Variants in KCNK18 observed in about 807,000 individuals in gnomAD.
KCNK18 encodes potassium channel subfamily K member 18.
A neutral mutation model predicts 11.8 loss-of-function variants in KCNK18; 8 were observed. That is an observed-to-expected ratio of 0.68 (90% confidence interval 0.40 to 1.22). KCNK18 has a LOEUF of 1.22. Ranked by LOEUF, KCNK18 falls within the 50% of genes most tolerant of loss-of-function variation. The probability of loss-of-function intolerance (pLI) is 0.01; values close to 1 mark genes in which losing one functional copy is unlikely to be tolerated. For missense variants in KCNK18, 442 were observed against 465.4 expected (o/e 0.95, Z 0.46); for synonymous variants, 208 against 185.8 (o/e 1.12, Z -0.97).
chr10:117,206,537 G>A (rs549899334), intron 2 of KCNK18, among the ~76,000 whole-genome samples: 1 of 152,004 alleles, frequency 6.6e-6, no homozygotes, highest in Non-Finnish European at 1.5e-5. Context: ...CTATATTTGG[G>A]GGCTGTCATT....
At chr10:117,198,127 A>G (rs1028376985) in intron 1 of KCNK18, among the ~76,000 whole-genome samples, 4 of 152,088 alleles carry the variant, frequency 2.6e-5, no homozygotes, top group African/African-American at 9.7e-5. Context: ...TGTCTGCCTG[A>G]CCCAGGATTC....
At chr10:117,207,237 C>T (rs1264103980) in intron 2 of KCNK18, among the ~76,000 whole-genome samples, 1 of 152,146 alleles carries the variant, frequency 6.6e-6, no homozygotes, top group Non-Finnish European at 1.5e-5. Context: ...CCACGTTGGC[C>T]AGGCTGGTCT....
At chr10:117,198,963 C>A (rs140040689) in intron 1 of KCNK18, among the ~76,000 whole-genome samples, 1 of 152,312 alleles carries the variant, frequency 6.6e-6, no homozygotes, top group East Asian at 1.9e-4. Context: ...GTACACATCC[C>A]CAGGCTCTTC....
intron 2 of KCNK18, among the ~76,000 whole-genome samples, chr10:117,207,996 G>T (rs3026039): frequency 0.059 from 8,929 of 152,246 alleles, 438 homozygotes; most frequent in Admixed American, 0.16. Context: ...AGGTCTGTCT[G>T]CTCCTGCCCC....
In KCNK18 at chr10:117,201,263, T is replaced by C. The variant is rs140325655; in HGVS notation, c.328T>C (p.Cys110Arg). The C allele has an allele frequency of 8.4e-3, 13,542 of 1,613,912 alleles. 89 individuals are homozygous for C. Among genetic ancestry groups the C allele is most frequent in the Non-Finnish European group, 0.01 (12,013 of 1,180,010 alleles). ...HWSFLSSLFF[C>R]CTVFSTVGYG... ...GTCCTTCCTGAGCTCGCTCTTTTTC[T>C]GCTGCACGGTGTTCAGCACCGTGGG... The change falls in exon 2 of 3, where the codon TGC becomes CGC. Residue 110 changes from cysteine to arginine, a missense_variant. By Grantham distance (180) the Cys-to-Arg change is radical. Transcript: ENST00000334549.
chr10:117,197,733 G>A (rs1357564244), intron 1 of KCNK18, 22 bp downstream of exon 1: 1 of 1,607,072 alleles, frequency 6.2e-7, no homozygotes, highest in Admixed American at 1.7e-5. Flanking sequence ...ACCTGGACAG[G>A]GTGGGCCTTT....
chr10:117,209,814 A>G lies in KCNK18; in HGVS notation c.670A>G (p.Ser224Gly). 6.2e-7 allele frequency: 1 copy of G among 1,614,204 alleles called. No homozygotes were observed. Among genetic ancestry groups the G allele is most frequent in the South Asian group, 1.1e-5 (1 of 91,084 alleles). The change falls in exon 3 of 3, where the codon AGC becomes GGC. Residue 224 changes from serine to glycine, a missense_variant. Transcript: ENST00000334549. Reference sequence around the variant, plus strand: ...CACATGTCCTTCACGCCCAAGCTGCAGCATGGAGCTGTTTGAGAGATCTCA... The same window carrying G: ...CACATGTCCTTCACGCCCAAGCTGCGGCATGGAGCTGTTTGAGAGATCTCA... ...LGTCPSRPSC[S>G]MELFERSHAL...
intron 2 of KCNK18, among the ~76,000 whole-genome samples, chr10:117,205,120 TA>T (rs1266388132): frequency 1.3e-5 from 2 of 152,300 alleles, no homozygotes; most frequent in African/African-American, 4.8e-5. Flanking sequence ...CACCTGGCCT[TA>T]ATGCTAAGCA....
At chr10:117,204,454 G>T (rs1445286349) in intron 2 of KCNK18, among the ~76,000 whole-genome samples, 1 of 152,014 alleles carries the variant, frequency 6.6e-6, no homozygotes, top group Non-Finnish European at 1.5e-5. Context: ...TTTCCCCACT[G>T]TCCCTACCCA....
chr10:117,204,357 T>C (rs570760937), intron 2 of KCNK18, among the ~76,000 whole-genome samples: 4 of 151,816 alleles, frequency 2.6e-5, no homozygotes, highest in Admixed American at 6.5e-5. Flanking sequence ...GCTTCTTGCA[T>C]GGGATAATTC....
intron 2 of KCNK18, among the ~76,000 whole-genome samples, chr10:117,209,159 C>T (rs935800087): frequency 1.3e-5 from 2 of 152,186 alleles, no homozygotes; most frequent in African/African-American, 4.8e-5. Context: ...GTCAGCTGAG[C>T]CCTTCCTTTG....
chr10:117,203,165 C>A (rs1855035298), intron 2 of KCNK18, among the ~76,000 whole-genome samples: 1 of 152,066 alleles, frequency 6.6e-6, no homozygotes. Context: ...GCGTGAGACA[C>A]CGCGCCTGGC....
At chr10:117,197,851 T>A in intron 1 of KCNK18, 140 bp downstream of exon 1, 1 of 722,120 alleles carries the variant, frequency 1.4e-6, no homozygotes, top group Non-Finnish European at 2.4e-6. Flanking sequence ...TTTAAGCGAG[T>A]AACTTCTTTC....
At chr10:117,203,593 G>T (rs1456874709) in intron 2 of KCNK18, among the ~76,000 whole-genome samples, 1 of 152,240 alleles carries the variant, frequency 6.6e-6, no homozygotes, top group East Asian at 1.9e-4. Flanking sequence ...AGACTGGAGT[G>T]CAATGGTGCC....
intron 2 of KCNK18, among the ~76,000 whole-genome samples, chr10:117,207,215 G>C (rs1248032496): frequency 6.6e-6 from 1 of 152,114 alleles, no homozygotes; most frequent in East Asian, 1.9e-4. Context: ...TTTTAGTAGA[G>C]ACAGGGTTTT....
At chr10:117,208,560 C>A (rs913226188) in intron 2 of KCNK18, among the ~76,000 whole-genome samples, 3 of 152,158 alleles carry the variant, frequency 2.0e-5, no homozygotes, top group Non-Finnish European at 4.4e-5. Context: ...GCTTCACTGT[C>A]ATTTAGGAAC....
At position 117,209,884 on chromosome 10, in the gene KCNK18, T is replaced by C. The variant is rs755866541; in HGVS notation, c.740T>C (p.Met247Thr). The C allele has an allele frequency of 3.1e-6, 5 of 1,614,072 alleles. No homozygotes were observed. In the South Asian group the frequency reaches 4.4e-5, roughly 14 times the overall value. Residue 247 changes from methionine to threonine, a missense_variant, in exon 3 of 3, where the codon ATG (methionine) becomes ACG (threonine). Coordinates refer to ENST00000334549, the MANE Select transcript of KCNK18 (RefSeq NM_181840.1). ...ACACTGCAACTGCCCCCACAAGCCA[T>C]GGAGAGGAGTAACTCGTGTCCCGAA... ...QNTLQLPPQA[M>T]ERSNSCPELV...
chr10:117,204,362 T>TA (rs1255136619), intron 2 of KCNK18, among the ~76,000 whole-genome samples: 5 of 151,918 alleles, frequency 3.3e-5, no homozygotes, highest in African/African-American at 7.3e-5. Context: ...TTGCATGGGA[T>TA]AATTCTCTGC....
chr10:117,200,220 G>GGT (rs1314509812), intron 1 of KCNK18, among the ~76,000 whole-genome samples: 21 of 152,252 alleles, frequency 1.4e-4, no homozygotes, highest in African/African-American at 5.1e-4. Flanking sequence ...TGGGACCACA[G>GGT]GTGTGTGCCA....
Sources: gnomAD v4.1 joint callset for allele counts (sites outside exome capture counted in the v4.1 genomes callset) on GRCh38, gnomAD v4.1.1 for gene constraint, MANE v1.5 for transcripts, NCBI Gene and HGNC (gene_info 2026-07-23, HGNC 2026-07-21) for gene names.